The following ELP4 variants were observed in gnomAD, a reference collection of about 807,000 sequenced individuals.
The protein encoded by ELP4 is elongator acetyltransferase complex subunit 4.
A neutral mutation model predicts 48.9 loss-of-function variants in ELP4; 51 were observed. The ratio of observed to expected loss-of-function variants is 1.04; its 90% CI spans 0.83 to 1.32. ELP4 has a LOEUF of 1.32. ELP4 is among the 40% of genes most tolerant of loss of function. The probability of loss-of-function intolerance (pLI) is 0.00; values close to 1 mark genes in which losing one functional copy is unlikely to be tolerated. For synonymous variants in ELP4, 210 were observed against 189.2 expected (o/e 1.11, Z -0.90); for missense variants, 519 against 514.6 (o/e 1.01, Z -0.08).
intron 9 of ELP4, among the ~76,000 whole-genome samples, chr11:31,772,260 G>A (rs7113672): frequency 0.28 from 42,840 of 151,598 alleles, 6,912 homozygotes; most frequent in Non-Finnish European, 0.36. Flanking sequence ...CCTGAGTAGC[G>A]GGGATTCCAG....
intron 9 of ELP4, among the ~76,000 whole-genome samples, chr11:31,675,395 G>T (rs1945901190): frequency 6.6e-6 from 1 of 151,908 alleles, no homozygotes; most frequent in Admixed American, 6.6e-5. Flanking sequence ...CTCCCAAGTA[G>T]CTGGGATTAC....
intron 5 of ELP4, among the ~76,000 whole-genome samples, chr11:31,617,633 A>G (rs2134021971): frequency 6.6e-6 from 1 of 152,104 alleles, no homozygotes; most frequent in South Asian, 2.1e-4. Context: ...GGATTTGAAA[A>G]TCAGCATATT....
intron 5 of ELP4, among the ~76,000 whole-genome samples, chr11:31,611,779 C>T (rs1016472127): frequency 1.2e-4 from 18 of 152,228 alleles, no homozygotes; most frequent in Admixed American, 5.2e-4. Flanking sequence ...TAAGAAAGCA[C>T]ATAATTTTTT....
At position 31,593,227 on chromosome 11, in the gene ELP4, CTGTTGTTGTTGTTGTTGT is replaced by C. The variant is rs61458094; in HGVS notation, c.382-1517_382-1500del. Among the ~76,000 whole-genome samples, 32 of 149,990 alleles carry C rather than the reference CTGTTGTTGTTGTTGTTGT, an allele frequency of 2.1e-4. No individual in the cohort carries two copies. The South Asian group carries it at 3.0e-3, about 14-fold the overall frequency. On this transcript the variant is annotated intron_variant, in intron 3 of 9. Coordinates refer to ENST00000640961, the MANE Select transcript of ELP4 (RefSeq NM_019040.5). ...CAACAACCCATTGAAGTGAATAATA[CTGTTGTTGTTGTTGTTGT>C]TGTTGTTGTTGTTGTTGTTGTTGTT... is the stretch of plus-strand genomic sequence containing the variant.
At chr11:31,618,763 T>C (rs1944551837) in intron 5 of ELP4, among the ~76,000 whole-genome samples, 1 of 152,054 alleles carries the variant, frequency 6.6e-6, no homozygotes. Flanking sequence ...AGGTATGAGA[T>C]TCCTTTTTGA....
intron 6 of ELP4, among the ~76,000 whole-genome samples, chr11:31,631,166 C>T (rs1944852912): frequency 6.6e-6 from 1 of 152,092 alleles, no homozygotes; most frequent in African/African-American, 2.4e-5. Context: ...AAGAAATACA[C>T]AAATTCAGTT....
rs1040991002 is a variant in ELP4 at position 31,509,952 on chromosome 11, G to A, written c.168G>A (p.Val56=). ...LVSIAGTRPS[V]RNGQLLVSTG... Reference sequence around the variant, plus strand: ...CCATTGCGGGCACGCGACCGTCGGTGCGGAATGGACAGCTGCTGGTATCAA... The same window carrying A: ...CCATTGCGGGCACGCGACCGTCGGTACGGAATGGACAGCTGCTGGTATCAA... Residue 56 remains valine (V), a synonymous_variant, in exon 1 of 10, where the codon GTG becomes GTA. Coordinates refer to ENST00000640961, the MANE Select transcript of ELP4 (RefSeq NM_019040.5). The A allele has an allele frequency of 1.2e-6, 2 of 1,613,162 alleles. No individual in the cohort carries two copies. Among genetic ancestry groups the A allele is most frequent in the African/African-American group, 2.7e-5 (2 of 74,898 alleles).
At chr11:31,580,330 C>G (rs1017168523) in intron 3 of ELP4, among the ~76,000 whole-genome samples, 6 of 152,152 alleles carry the variant, frequency 3.9e-5, no homozygotes, top group African/African-American at 4.8e-5. Flanking sequence ...TAACTTAATA[C>G]TGTGAAATAG....
chr11:31,699,020 A>G (rs1481984116), intron 9 of ELP4, among the ~76,000 whole-genome samples: 1 of 152,182 alleles, frequency 6.6e-6, no homozygotes, highest in Non-Finnish European at 1.5e-5. Context: ...AAGCACACAC[A>G]ACAATATACA....
At chr11:31,555,129 G>A (rs368181290) in intron 3 of ELP4, among the ~76,000 whole-genome samples, 14 of 152,070 alleles carry the variant, frequency 9.2e-5, no homozygotes, top group Non-Finnish European at 1.8e-4. Flanking sequence ...GGATATCCGT[G>A]GGGACGAGAA....
chr11:31,581,883 G>A (rs1486951437), intron 3 of ELP4, among the ~76,000 whole-genome samples: 1 of 151,906 alleles, frequency 6.6e-6, no homozygotes, highest in Non-Finnish European at 1.5e-5. Flanking sequence ...CTTCCGAGTA[G>A]CTGGGACTAC....
chr11:31,548,442 C>T lies in ELP4; in HGVS notation c.381+8659C>T, dbSNP rs558156542. Reference sequence around the variant, plus strand: ...CCAACTTACAAGGGATGTGAAGGACCTCTTCAAGGAGAACTACAAACCACT... The same window carrying T: ...CCAACTTACAAGGGATGTGAAGGACTTCTTCAAGGAGAACTACAAACCACT... On this transcript the variant is annotated intron_variant, in intron 3 of 9. Transcript: ENST00000640961. Among the ~76,000 whole-genome samples the T allele has an allele frequency of 3.9e-3, 585 of 151,808 alleles. 6 individuals carry two copies. Among genetic ancestry groups the T allele is most frequent in the African/African-American group, 0.013 (558 of 41,390 alleles).
intron 9 of ELP4, among the ~76,000 whole-genome samples, chr11:31,685,396 A>G (rs565836355): frequency 3.3e-5 from 5 of 152,146 alleles, no homozygotes; most frequent in Non-Finnish European, 5.9e-5. Context: ...AATTGAAAAA[A>G]AAAATCTAAA....
At chr11:31,760,997 T>A (rs1947933680) in intron 9 of ELP4, among the ~76,000 whole-genome samples, 1 of 152,216 alleles carries the variant, frequency 6.6e-6, no homozygotes, top group African/African-American at 2.4e-5. Context: ...AATCTTTAGC[T>A]CTCTTAGGAA....
In ELP4 at chr11:31,788,155, C is replaced by T. The variant is rs3026395; in HGVS notation, c.*4631C>T. 1 of 225,776 alleles carries T rather than the reference C, an allele frequency of 4.4e-6. No individual in the cohort carries two copies. Among genetic ancestry groups the T allele is most frequent in the African/African-American group, 2.2e-5 (1 of 44,896 alleles). 14.0% of individuals were successfully genotyped at this position (225,776 alleles called of 1,614,324 possible). On this transcript the variant is annotated 3_prime_UTR_variant, in exon 10 of 10. Transcript: ENST00000640961. ...TCAAGCACTCCTGCCCTGCGTGCCT[C>T]CACTTTAAACATGATCAGAACTGTG...
At chr11:31,514,422 A>G (rs1956068910) in intron 1 of ELP4, among the ~76,000 whole-genome samples, 1 of 152,156 alleles carries the variant, frequency 6.6e-6, no homozygotes, top group Non-Finnish European at 1.5e-5. Flanking sequence ...TCACACCACT[A>G]TACTCCAGCC....
At position 31,547,476 on chromosome 11, in the gene ELP4, A is replaced by AAATTGTG. The variant is rs1434525264; in HGVS notation, c.381+7694_381+7700dup. Reference sequence around the variant, plus strand: ...CTGAATAGACCAACAACAGGAGCTGAAATTGTGGCAATAATCAATAGCTTA... The same window carrying AAATTGTG: ...CTGAATAGACCAACAACAGGAGCTGAAATTGTGAATTGTGGCAATAATCAATAGCTTA... On this transcript the variant is annotated intron_variant, in intron 3 of 9. Coordinates refer to ENST00000640961, the MANE Select transcript of ELP4 (RefSeq NM_019040.5). Among the ~76,000 whole-genome samples, 3 of 152,346 alleles carry AAATTGTG rather than the reference A, an allele frequency of 2.0e-5. No individual in the cohort carries two copies. In the East Asian group the frequency reaches 5.8e-4, roughly 29 times the overall value.
At chr11:31,746,755 G>T (rs1947602768) in intron 9 of ELP4, among the ~76,000 whole-genome samples, 2 of 152,032 alleles carry the variant, frequency 1.3e-5, no homozygotes, top group South Asian at 4.2e-4. Context: ...GGTGGAGGGG[G>T]GAGGGATAGC....
chr11:31,668,717 TGTGTAA>T lies in ELP4; in HGVS notation c.1143+18498_1143+18503del, dbSNP rs1437595713. On this transcript the variant is annotated intron_variant, in intron 9 of 9. Transcript: ENST00000640961. ...GTGTGTGTGTGTGTGTGTGTGTGTG[TGTGTAA>T]GAACCCTGTAGAGAGAAAAATAAGA... Among the ~76,000 whole-genome samples the T allele has an allele frequency of 2.3e-4, 30 of 129,844 alleles. No individual in the cohort carries two copies. The South Asian group carries it at 4.3e-3, about 18-fold the overall frequency. The allele number at this position is 129,844 out of a possible 152,430, so 85.2% of individuals were successfully genotyped here.
Sources: allele counts gnomAD v4.1 joint callset (sites outside exome capture counted in the v4.1 genomes callset), GRCh38; gene constraint gnomAD v4.1.1; transcripts MANE v1.5; gene names NCBI Gene and HGNC (gene_info 2026-07-23, HGNC 2026-07-21).